TAFA5: variants seen among roughly 807,000 people sequenced by gnomAD.
The protein encoded by TAFA5 is chemokine-like protein TAFA-5.
In TAFA5, 6 loss-of-function variants were observed where a neutral mutation model predicts 15.3. That is an observed-to-expected ratio of 0.39 (90% CI 0.21 to 0.77). The LOEUF (loss-of-function observed/expected upper bound fraction) is 0.77, where lower values mean the gene tolerates loss of function less well. TAFA5 is among the 30% of genes least tolerant of loss of function. The pLI is 0.41. For synonymous variants in TAFA5, 103 were observed against 80.7 expected, an observed-to-expected ratio of 1.28 and a Z score of -1.48; for missense variants, 161 against 193.1, an observed-to-expected ratio of 0.83 and a Z score of 0.98.
chr22:48,618,332 G>A (rs1002488274), intron 1 of TAFA5, among the ~76,000 whole-genome samples: 1 of 152,236 alleles, frequency 6.6e-6, no homozygotes, highest in Non-Finnish European at 1.5e-5. Context: ...GTGCACTGAC[G>A]CTCGCCTCTG....
intron 2 of TAFA5, among the ~76,000 whole-genome samples, chr22:48,653,582 CCA>C (rs1331707716): frequency 6.6e-6 from 1 of 152,114 alleles, no homozygotes; most frequent in Non-Finnish European, 1.5e-5. Context: ...TCATCAGAGC[CCA>C]GTTTTACCAG....
chr22:48,575,235 C>T (rs1395477177), intron 1 of TAFA5, among the ~76,000 whole-genome samples: 1 of 152,106 alleles, frequency 6.6e-6, no homozygotes, highest in Admixed American at 6.5e-5. Context: ...CAGTGAGGCC[C>T]CTGCGCACCT....
chr22:48,562,946 G>T (rs77497339), intron 1 of TAFA5, among the ~76,000 whole-genome samples: 2 of 152,144 alleles, frequency 1.3e-5, no homozygotes, highest in Admixed American at 6.5e-5. Context: ...CGGAGGCCCT[G>T]GGGGGTGATG....
chr22:48,608,623 A>C (rs1925284568), intron 1 of TAFA5, among the ~76,000 whole-genome samples: 1 of 152,164 alleles, frequency 6.6e-6, no homozygotes, highest in South Asian at 2.1e-4. Context: ...GTGATGGTGG[A>C]AGCATTTTAG....
At chr22:48,657,875 C>T (rs144206693) in intron 2 of TAFA5, among the ~76,000 whole-genome samples, 27 of 152,312 alleles carry the variant, frequency 1.8e-4, no homozygotes, top group African/African-American at 5.1e-4. Context: ...GGATGGGGGA[C>T]GCTGCCGCTC....
chr22:48,677,001 A>C (rs1165451144), intron 2 of TAFA5, among the ~76,000 whole-genome samples: 1 of 152,080 alleles, frequency 6.6e-6, no homozygotes, highest in Non-Finnish European at 1.5e-5. Flanking sequence ...CCTGCAGAAG[A>C]CTCTGCTCTC....
At chr22:48,650,992 C>T (rs1601643765) in intron 2 of TAFA5, among the ~76,000 whole-genome samples, 1 of 152,346 alleles carries the variant, frequency 6.6e-6, no homozygotes, top group South Asian at 2.1e-4. Flanking sequence ...ACCCTGTGTC[C>T]GAGTCCAGCG....
chr22:48,731,657 A>G (rs954943423), intron 3 of TAFA5, among the ~76,000 whole-genome samples: 5 of 152,202 alleles, frequency 3.3e-5, no homozygotes, highest in Non-Finnish European at 5.9e-5. Context: ...ACATCTGTGT[A>G]TGGCATGGTT....
At chr22:48,584,979 A>G (rs1924286947) in intron 1 of TAFA5, among the ~76,000 whole-genome samples, 1 of 147,424 alleles carries the variant, frequency 6.8e-6, no homozygotes, top group Non-Finnish European at 1.5e-5. Context: ...AATACATCAC[A>G]CACATTCACA....
chr22:48,746,473 G>A (rs997063340), intron 3 of TAFA5, among the ~76,000 whole-genome samples: 4 of 152,094 alleles, frequency 2.6e-5, no homozygotes, highest in African/African-American at 7.2e-5. Context: ...CAGCCTGGGT[G>A]ACAAGGCCAG....
At chr22:48,583,450 A>G (rs1301503142) in intron 1 of TAFA5, among the ~76,000 whole-genome samples, 2 of 146,936 alleles carry the variant, frequency 1.4e-5, no homozygotes, top group Admixed American at 1.3e-4. Flanking sequence ...CCCACCGCAC[A>G]CAAAATATAC....
chr22:48,728,592 C>A (rs539196462), intron 3 of TAFA5, among the ~76,000 whole-genome samples: 4 of 152,206 alleles, frequency 2.6e-5, no homozygotes, highest in African/African-American at 9.6e-5. Flanking sequence ...TATTGATATC[C>A]CATTTAGAAT....
chr22:48,549,853 G>A (rs1326109055), intron 1 of TAFA5, among the ~76,000 whole-genome samples: 1 of 152,198 alleles, frequency 6.6e-6, no homozygotes, highest in Non-Finnish European at 1.5e-5. Flanking sequence ...TGGATGAACA[G>A]GCAAAGTCCC....
intron 3 of TAFA5, among the ~76,000 whole-genome samples, chr22:48,724,201 G>A (rs1193054149): frequency 6.6e-6 from 1 of 152,208 alleles, no homozygotes; most frequent in Non-Finnish European, 1.5e-5. Context: ...CATTGCTGCA[G>A]CAGGAGAGAC....
At chr22:48,746,730 C>T (rs528034662) in intron 3 of TAFA5, among the ~76,000 whole-genome samples, 1 of 152,298 alleles carries the variant, frequency 6.6e-6, no homozygotes, top group East Asian at 1.9e-4. Flanking sequence ...CAGGTGGCAG[C>T]CTAGTCCAGC....
At chr22:48,680,715 C>T (rs1366819629) in intron 2 of TAFA5, among the ~76,000 whole-genome samples, 3 of 152,362 alleles carry the variant, frequency 2.0e-5, no homozygotes, top group South Asian at 2.1e-4. Context: ...TGGTCCTCAC[C>T]GTGGGAGGTC....
intron 1 of TAFA5, among the ~76,000 whole-genome samples, chr22:48,508,646 G>C (rs549312402): frequency 9.2e-5 from 14 of 152,198 alleles, no homozygotes; most frequent in Non-Finnish European, 1.9e-4. Flanking sequence ...CCTAACTGCA[G>C]TTGCCCCACA....
rs566045676 is a variant in TAFA5 at position 48,538,646 on chromosome 22, C to G, written c.112+48942C>G. ...GCTCCGGGCCGCGGTGGGCTCAGGTCTCTTCCACGCGTCTCTGTGCATTCT... is the reference window on the plus strand; with the variant it reads ...GCTCCGGGCCGCGGTGGGCTCAGGTGTCTTCCACGCGTCTCTGTGCATTCT... On this transcript the variant is annotated intron_variant, in intron 1 of 3. Transcript: ENST00000402357. 3.3e-5 allele frequency among the ~76,000 whole-genome samples: 5 copies of G among 152,296 alleles called. No homozygotes were observed. In the South Asian group the frequency reaches 1.0e-3, roughly 32 times the overall value.
chr22:48,643,569 C>T (rs1926759790), intron 1 of TAFA5, among the ~76,000 whole-genome samples: 1 of 152,186 alleles, frequency 6.6e-6, no homozygotes, highest in Admixed American at 6.5e-5. Flanking sequence ...ACAGCTTGCC[C>T]AGGGGCTGGC....
Sources: gnomAD v4.1 joint callset for allele counts (sites outside exome capture counted in the v4.1 genomes callset) on GRCh38, gnomAD v4.1.1 for gene constraint, MANE v1.5 for transcripts, NCBI Gene and HGNC (gene_info 2026-07-23, HGNC 2026-07-21) for gene names.